TMEM65: variants seen among roughly 807,000 people sequenced by gnomAD.
TMEM65 encodes the protein transmembrane protein 65.
TMEM65 carries 22 observed loss-of-function variants against 25.4 expected under a neutral mutation model. The observed-to-expected ratio is 0.86, with a 90% confidence interval of 0.62 to 1.23. TMEM65 has a LOEUF of 1.23. TMEM65 is among the 50% of genes most tolerant of loss of function. The pLI is 0.00. For synonymous variants in TMEM65, 132 were observed against 126.2 expected (o/e 1.05, Z -0.31); for missense variants, 262 against 308.2 (o/e 0.85, Z 1.12).
chr8:124,352,812 G>A (rs1029697017), intron 1 of TMEM65, among the ~76,000 whole-genome samples: 8 of 152,066 alleles, frequency 5.3e-5, no homozygotes, highest in African/African-American at 1.9e-4. Flanking sequence ...ACACAGGCAG[G>A]TTGGTCTGGT....
At position 124,306,407 on chromosome 8, in the gene TMEM65, C is replaced by T. The variant is rs1244307072; in HGVS notation, c.*7553G>A. 1 of 152,154 alleles carries T rather than the reference C, an allele frequency of 6.6e-6. No individual in the cohort carries two copies. The highest frequency in any genetic ancestry group is 6.5e-5 in the Admixed American group (1 of 15,270). 9.4% of individuals were successfully genotyped at this position (152,154 alleles called of 1,614,324 possible). On this transcript the variant is annotated 3_prime_UTR_variant, in exon 7 of 7. Transcript: ENST00000297632. ...ACTGCAGAAATGGTGGAGAATGACA[C>T]TGGAAGTCATAAAGTTGATTCTCAA...
chr8:124,315,848 C>T (rs1814230876), intron 6 of TMEM65, among the ~76,000 whole-genome samples: 1 of 152,116 alleles, frequency 6.6e-6, no homozygotes, highest in Non-Finnish European at 1.5e-5. Context: ...TTCTTCATTC[C>T]ACATGCTGAT....
At chr8:124,317,986 A>G (rs1814258065) in intron 6 of TMEM65, among the ~76,000 whole-genome samples, 1 of 152,162 alleles carries the variant, frequency 6.6e-6, no homozygotes, top group Non-Finnish European at 1.5e-5. Flanking sequence ...AACACTAACG[A>G]TAGCTGATAA....
chr8:124,354,276 G>A (rs570199326), intron 1 of TMEM65, among the ~76,000 whole-genome samples: 2 of 152,196 alleles, frequency 1.3e-5, no homozygotes, highest in Non-Finnish European at 2.9e-5. Flanking sequence ...ACACAATTCT[G>A]ATCTGAATCT....
chr8:124,313,667 A>G lies in TMEM65; in HGVS notation c.*293T>C. 1 of 257,662 alleles carries G rather than the reference A, an allele frequency of 3.9e-6. No homozygotes were observed. Among genetic ancestry groups the G allele is most frequent in the Non-Finnish European group, 7.3e-6 (1 of 136,522 alleles). 16.0% of individuals were successfully genotyped at this position (257,662 alleles called of 1,614,324 possible). A position where few individuals can be genotyped will look rare whatever the true frequency, so the allele number is the denominator to read the frequency against. ...AAATAAGCAAACCCCAAGTCAATAC[A>G]GTACATCAATGACACTTAAATAACA... On this transcript the variant is annotated 3_prime_UTR_variant, in exon 7 of 7. Coordinates refer to ENST00000297632, the MANE Select transcript of TMEM65 (RefSeq NM_194291.3).
Position 124,322,096 on chromosome 8 carries a change from T to C in TMEM65, c.515+9A>G. ...CAGAATATACAAATGAATAAGTGAA[T>C]GAACCTACCCAAGTCCAGCTAGATC... On this transcript the variant is annotated intron_variant, in intron 5 of 6. Transcript: ENST00000297632. The C allele has an allele frequency of 1.2e-6, 2 of 1,604,768 alleles. No individual in the cohort carries two copies. Among genetic ancestry groups the C allele is most frequent in the East Asian group, 4.5e-5 (2 of 44,448 alleles).
intron 1 of TMEM65, among the ~76,000 whole-genome samples, chr8:124,367,911 TCAATA>T (rs1814960397): frequency 6.6e-6 from 1 of 152,252 alleles, no homozygotes; most frequent in Non-Finnish European, 1.5e-5. Context: ...TCTGTTCACC[TCAATA>T]CATCTTTTAT....
In TMEM65 at chr8:124,371,958, T is replaced by A; in HGVS notation, c.200A>T (p.Asn67Ile). The change falls in exon 1 of 7, where the codon AAC becomes ATC. Residue 67 changes from asparagine to isoleucine, a missense_variant. Physicochemically the swap from Asn to Ile is moderately radical, Grantham distance 149. Transcript: ENST00000297632. ...GAAGTCGCGCGCGCCCTGCGCCGTGTTCAGCGCCTCCATGGGCTCCTTCTT... is the reference window on the plus strand; with the variant it reads ...GAAGTCGCGCGCGCCCTGCGCCGTGATCAGCGCCTCCATGGGCTCCTTCTT... ...HPKKEPMEAL[N>I]TAQGARDFIY... is the part of the protein sequence containing the mutation. The A allele has an allele frequency of 6.6e-7, 1 of 1,506,138 alleles. No homozygotes were observed. Among genetic ancestry groups the A allele is most frequent in the Middle Eastern group, 1.7e-4 (1 of 5,872 alleles). 93.3% of individuals were successfully genotyped at this position (1,506,138 alleles called of 1,614,324 possible). A position where few individuals can be genotyped will look rare whatever the true frequency, so the allele number is the denominator to read the frequency against.
rs771410728 is a variant in TMEM65 at position 124,362,830 on chromosome 8, GAAGA to G, written c.304+9020_304+9023del. On this transcript the variant is annotated intron_variant, in intron 1 of 6. Transcript: ENST00000297632. ...GAACAAGAATTTTGTGTAGTATTAA[GAAGA>G]AAGAAAGAGTAAATGTGTTTGTTTA... Among the ~76,000 whole-genome samples, 165 of 152,036 alleles carry G rather than the reference GAAGA, an allele frequency of 1.1e-3. 1 individual carries two copies. The highest frequency in any genetic ancestry group is 1.1e-3 in the Non-Finnish European group (76 of 67,972).
chr8:124,356,896 C>T (rs544365783), intron 1 of TMEM65, among the ~76,000 whole-genome samples: 35 of 151,866 alleles, frequency 2.3e-4, no homozygotes, highest in African/African-American at 8.0e-4. Context: ...TTAGTAGAGA[C>T]GGGGTTTTAC....
chr8:124,372,318 T>C lies in TMEM65; in HGVS notation c.-161A>G. On this transcript the variant is annotated 5_prime_UTR_variant, in exon 1 of 7. Coordinates refer to ENST00000297632, the MANE Select transcript of TMEM65 (RefSeq NM_194291.3). ...TGCACTCCGCGGGCCCGCGCGGCTC[T>C]CGCCTCCTGTTCCGTCCCCACTTCC... 1 of 512,518 alleles carries C rather than the reference T, an allele frequency of 2.0e-6. No individual in the cohort carries two copies. The highest frequency in any genetic ancestry group is 2.6e-6 in the Non-Finnish European group (1 of 382,834). 31.7% of individuals were successfully genotyped at this position (512,518 alleles called of 1,614,324 possible).
Position 124,318,363 on chromosome 8 carries a change from G to GTTTTTTT in TMEM65, c.621+1722_621+1723insAAAAAAA, listed in dbSNP as rs144957064. On this transcript the variant is annotated intron_variant, in intron 6 of 6. Transcript: ENST00000297632. The stretch of plus-strand genomic sequence containing the variant: ...TTGTTTTAAGCTGCTGAATTTGCAT[G>GTTTTTTT]TTTTTGTTTTTTTTTTTTTTTTTTT... 2.5e-3 allele frequency among the ~76,000 whole-genome samples: 183 copies of GTTTTTTT among 73,830 alleles called. 31 individuals are homozygous for GTTTTTTT. The highest frequency in any genetic ancestry group is 3.8e-3 in the Admixed American group (16 of 4,264). 48.4% of individuals were successfully genotyped at this position (73,830 alleles called of 152,430 possible). A position where few individuals can be genotyped will look rare whatever the true frequency, so the allele number is the denominator to read the frequency against.
At chr8:124,357,206 G>A (rs1409393025) in intron 1 of TMEM65, among the ~76,000 whole-genome samples, 1 of 151,728 alleles carries the variant, frequency 6.6e-6, no homozygotes, top group Admixed American at 6.6e-5. Flanking sequence ...ATACTGCCTA[G>A]CCCTAGTTAC....
At chr8:124,328,209 T>C (rs910935320) in intron 2 of TMEM65, among the ~76,000 whole-genome samples, 16 of 151,924 alleles carry the variant, frequency 1.1e-4, no homozygotes, top group Admixed American at 1.0e-3. Context: ...ATCGAGACCA[T>C]CCTGGCCAAT....
Position 124,314,019 on chromosome 8 carries a change from A to G in TMEM65, c.664T>C (p.Phe222Leu). Residue 222 changes from phenylalanine to leucine, a missense_variant, in exon 7 of 7, where the codon TTT (phenylalanine) becomes CTT (leucine). Coordinates refer to ENST00000297632, the MANE Select transcript of TMEM65 (RefSeq NM_194291.3). ...GVTIGCILGM[F>L]PLIFFGGGEE... ...CCTCCTCCAAAGAAAATTAAAGGAA[A>G]CATTCCTAGAATGCAGCCAATAGTC... 1 of 1,613,706 alleles carries G rather than the reference A, an allele frequency of 6.2e-7. No homozygotes were observed. The highest frequency in any genetic ancestry group is 1.1e-5 in the South Asian group (1 of 91,064).
At chr8:124,361,472 T>C (rs1814860007) in intron 1 of TMEM65, among the ~76,000 whole-genome samples, 1 of 147,374 alleles carries the variant, frequency 6.8e-6, no homozygotes, top group Non-Finnish European at 1.5e-5. Flanking sequence ...AGTTAATAAG[T>C]TAATATATAT....
At chr8:124,324,576 A>G (rs560890166) in intron 3 of TMEM65, among the ~76,000 whole-genome samples, 32 of 152,242 alleles carry the variant, frequency 2.1e-4, no homozygotes, top group African/African-American at 7.7e-4. Context: ...AATATAGAAG[A>G]GAGGCACCTG....
At chr8:124,361,068 A>G (rs1194580187) in intron 1 of TMEM65, among the ~76,000 whole-genome samples, 4 of 152,264 alleles carry the variant, frequency 2.6e-5, no homozygotes, top group African/African-American at 9.6e-5. Flanking sequence ...AATGGTTTTC[A>G]TTTACAAATA....
intron 1 of TMEM65, among the ~76,000 whole-genome samples, chr8:124,355,877 G>A (rs1814773534): frequency 1.3e-5 from 2 of 152,176 alleles, no homozygotes; most frequent in African/African-American, 4.8e-5. Flanking sequence ...AAGGCAGAGT[G>A]GGAGATTTTG....
Sources: allele counts gnomAD v4.1 joint callset (sites outside exome capture counted in the v4.1 genomes callset), GRCh38; gene constraint gnomAD v4.1.1; transcripts MANE v1.5; gene names NCBI Gene and HGNC (gene_info 2026-07-23, HGNC 2026-07-21).